Variants in OCM observed in about 807,000 individuals in gnomAD.
The protein encoded by OCM is oncomodulin.
OCM carries 18 observed loss-of-function variants against 14.1 expected under a neutral mutation model. The ratio of observed to expected loss-of-function variants is 1.28; its 90% CI spans 0.88 to 1.89. The LOEUF (loss-of-function observed/expected upper bound fraction) is 1.89, where lower values mean the gene tolerates loss of function less well. Ranked by LOEUF, OCM falls within the 40% of genes most tolerant of loss-of-function variation. OCM has a pLI of 0.00. For synonymous variants in OCM, 48 were observed against 51.0 expected, an observed-to-expected ratio of 0.94 and a Z score of 0.25; for missense variants, 140 against 137.6, an observed-to-expected ratio of 1.02 and a Z score of -0.09.
At chr7:5,861,585 G>T in the OCM span, among the ~76,000 whole-genome samples, 1 of 152,226 alleles carries the variant, frequency 6.6e-6, no homozygotes, top group East Asian at 1.9e-4. Context: ...CAGTACTTGG[G>T]TAATGCATTT....
In OCM at chr7:5,883,976, G is replaced by A. The variant is rs752719452; in HGVS notation, c.281G>A (p.Gly94Glu). 96 of 1,613,164 alleles carry A rather than the reference G, an allele frequency of 6.0e-5. No individual in the cohort carries two copies. The Admixed American group carries it at 7.9e-4, about 13-fold the overall frequency. Residue 94 changes from glycine (G) to glutamate (E), a missense_variant, in exon 3 of 4, where the codon GGA becomes GAA. Transcript: ENST00000242104. ...KSLMAAADND[G>E]DGKIGAEEFQ... ...TTGATGGCTGCGGCGGATAATGATG[G>A]AGATGGGAAAATTGGAGCAGAGGGT...
intron 2 of OCM, 84 bp downstream of exon 2, chr7:5,882,709 C>A (rs1781244864): frequency 1.1e-5 from 16 of 1,504,756 alleles, no homozygotes; most frequent in Non-Finnish European, 1.4e-5. Flanking sequence ...CTCAGTATTT[C>A]TTCAATGGCC....
chr7:5,877,634 C>A (rs1441847493), upstream of OCM, among the ~76,000 whole-genome samples: 1 of 151,666 alleles, frequency 6.6e-6, no homozygotes, highest in South Asian at 2.1e-4. Flanking sequence ...GCCTGGCCAA[C>A]ATGGTGAAAC....
At chr7:5,869,713 C>G in the OCM span, among the ~76,000 whole-genome samples, 11 of 152,264 alleles carry the variant, frequency 7.2e-5, no homozygotes, top group African/African-American at 2.6e-4. Context: ...CCTGCGTTAC[C>G]CCAGAACAGC....
At chr7:5,868,521 G>A in the OCM span, among the ~76,000 whole-genome samples, 6 of 152,210 alleles carry the variant, frequency 3.9e-5, no homozygotes, top group South Asian at 1.2e-3. Context: ...GCCAGCCAAA[G>A]GTCTAAAGGG....
the OCM span, among the ~76,000 whole-genome samples, chr7:5,862,430 A>G: frequency 1.3e-5 from 2 of 151,954 alleles, no homozygotes; most frequent in African/African-American, 4.8e-5. Context: ...TTCAGGATAC[A>G]TCTCCCCCTA....
the OCM span, among the ~76,000 whole-genome samples, chr7:5,873,043 G>A: frequency 6.6e-6 from 1 of 152,018 alleles, no homozygotes; most frequent in Non-Finnish European, 1.5e-5. Context: ...ACTCCAGCTT[G>A]CATGACAGAG....
chr7:5,882,593 C>T lies in OCM; in HGVS notation c.162C>T (p.Asp54=). 1 of 1,614,070 alleles carries T rather than the reference C, an allele frequency of 6.2e-7. No homozygotes were observed. Among genetic ancestry groups the T allele is most frequent in the South Asian group, 1.1e-5 (1 of 91,080 alleles). ...VKDVFRFIDN[D]QSGYLDEEEL... ...ATGTTTTCCGGTTCATAGACAACGA[C>T]CAGAGCGGGTACCTGGATGAAGAAG... Residue 54 remains aspartate, a synonymous_variant, in exon 2 of 4, where the codon GAC becomes GAT. Coordinates refer to ENST00000242104, the MANE Select transcript of OCM (RefSeq NM_001097622.2).
At position 5,882,558 on chromosome 7, in the gene OCM, C is replaced by G. The variant is rs944543576; in HGVS notation, c.127C>G (p.Gln43Glu). ...TSGLSKMSAN[Q>E]VKDVFRFIDN... ...AGGCCTCTCCAAGATGTCAGCCAAT[C>G]AGGTGAAGGATGTTTTCCGGTTCAT... The change falls in exon 2 of 4, where the codon CAG (glutamine) becomes GAG (glutamate). Residue 43 changes from glutamine (Q) to glutamate (E), a missense_variant. Physicochemically the swap from Gln to Glu is conservative, Grantham distance 29. Coordinates refer to ENST00000242104, the MANE Select transcript of OCM (RefSeq NM_001097622.2). The G allele has an allele frequency of 6.2e-7, 1 of 1,614,132 alleles. No individual in the cohort carries two copies. Among genetic ancestry groups the G allele is most frequent in the Non-Finnish European group, 8.5e-7 (1 of 1,180,030 alleles).
chr7:5,860,868 A>G, the OCM span, among the ~76,000 whole-genome samples: 1 of 150,114 alleles, frequency 6.7e-6, no homozygotes, highest in Non-Finnish European at 1.5e-5. Context: ...ATACATATAT[A>G]TATTTATTTA....
At chr7:5,871,624 T>C in the OCM span, 1 of 152,194 alleles carries the variant, frequency 6.6e-6, no homozygotes, top group Non-Finnish European at 1.5e-5. Flanking sequence ...TTCATGGGTG[T>C]GAGACCTGTA....
chr7:5,882,906 G>T (rs1271363236), intron 2 of OCM, among the ~76,000 whole-genome samples: 1 of 148,202 alleles, frequency 6.7e-6, no homozygotes, highest in Non-Finnish European at 1.5e-5. Flanking sequence ...GCAGTGGGGT[G>T]ATCTCAGCTC....
At chr7:5,885,385 G>A (rs1414960520) in intron 3 of OCM, among the ~76,000 whole-genome samples, 1 of 152,098 alleles carries the variant, frequency 6.6e-6, no homozygotes, top group East Asian at 1.9e-4. Context: ...CTTCCTGTCT[G>A]AAATTGACCA....
chr7:5,861,661 G>A, the OCM span, among the ~76,000 whole-genome samples: 1 of 152,134 alleles, frequency 6.6e-6, no homozygotes, highest in African/African-American at 2.4e-5. Context: ...CCAGTGCTTG[G>A]CATGGGTCAG....
At chr7:5,860,493 A>G in the OCM span, among the ~76,000 whole-genome samples, 75 of 121,130 alleles carry the variant, frequency 6.2e-4, 5 homozygotes, top group African/African-American at 1.2e-3. Context: ...ATACGTGTAT[A>G]TATATATTAC....
the OCM span, among the ~76,000 whole-genome samples, chr7:5,872,483 C>T: frequency 6.6e-6 from 1 of 152,100 alleles, no homozygotes; most frequent in Non-Finnish European, 1.5e-5. Flanking sequence ...AACTCTGGAT[C>T]CCACCCCATC....
chr7:5,867,079 C>G, the OCM span, among the ~76,000 whole-genome samples: 1 of 152,082 alleles, frequency 6.6e-6, no homozygotes, highest in African/African-American at 2.4e-5. Flanking sequence ...AGGTGATTTC[C>G]AATTGCTAAG....
the OCM span, among the ~76,000 whole-genome samples, chr7:5,867,456 G>A: frequency 7.9e-5 from 12 of 151,834 alleles, no homozygotes; most frequent in African/African-American, 2.2e-4. Flanking sequence ...CCCTTTATAC[G>A]TGTTGGCTCT....
chr7:5,871,179 C>CT, the OCM span, among the ~76,000 whole-genome samples: 9 of 151,468 alleles, frequency 5.9e-5, no homozygotes, highest in East Asian at 1.7e-3. Flanking sequence ...AGAGCCCCCC[C>CT]CCCGTCTCTA....
Sources: allele counts gnomAD v4.1 joint callset (sites outside exome capture counted in the v4.1 genomes callset), GRCh38; gene constraint gnomAD v4.1.1; transcripts MANE v1.5; gene names NCBI Gene and HGNC (gene_info 2026-07-23, HGNC 2026-07-21).